Variants in MCM9 observed in about 807,000 individuals in gnomAD.
MCM9 encodes the protein DNA helicase MCM9.
Under a neutral mutation model 72.8 loss-of-function variants are expected in MCM9, and 55 were observed. The ratio of observed to expected loss-of-function variants is 0.76; its 90% CI spans 0.61 to 0.95. MCM9 has a LOEUF of 0.95. Among genes scored for constraint, MCM9 ranks in the 40% least tolerant of loss-of-function variants. MCM9 has a pLI of 0.00. For missense variants in MCM9, 1,279 were observed against 1,377.0 expected, an observed-to-expected ratio of 0.93 and a Z score of 1.13; for synonymous variants, 480 against 503.4, an observed-to-expected ratio of 0.95 and a Z score of 0.62.
At chr6:118,826,910 GA>G in intron 11 of MCM9, 46 bp from the exon 12 acceptor site, 2 of 1,445,316 alleles carry the variant, frequency 1.4e-6, no homozygotes, top group Non-Finnish European at 1.9e-6. Flanking sequence ...TTTGAGGTGA[GA>G]AATGTAATTC....
chr6:118,838,307 C>G (rs1775107927), intron 9 of MCM9, among the ~76,000 whole-genome samples: 1 of 152,026 alleles, frequency 6.6e-6, no homozygotes, highest in Non-Finnish European at 1.5e-5. Flanking sequence ...GGACTACAGG[C>G]ACCCGCCACC....
chr6:118,814,634 T>C lies in MCM9; in HGVS notation c.*190A>G. 1 of 505,300 alleles carries C rather than the reference T, an allele frequency of 2.0e-6. No individual in the cohort carries two copies. The highest frequency in any genetic ancestry group is 3.4e-6 in the Non-Finnish European group (1 of 298,502). The allele number at this position is 505,300 out of a possible 1,614,324, so 31.3% of individuals were successfully genotyped here. ...CTCAGCTGCTGGTATCACACTGACC[T>C]CAACTGATTATACAACTTTTTAAGT... On this transcript the variant is annotated 3_prime_UTR_variant, in exon 14 of 14. Coordinates refer to ENST00000619706, the MANE Select transcript of MCM9 (RefSeq NM_017696.3).
intron 8 of MCM9, among the ~76,000 whole-genome samples, chr6:118,864,743 C>T (rs1263199074): frequency 1.3e-5 from 2 of 152,138 alleles, no homozygotes; most frequent in African/African-American, 4.8e-5. Flanking sequence ...CTTAATTCAC[C>T]GGCTCTGAGA....
chr6:118,871,988 C>A (rs1264717361), intron 8 of MCM9, among the ~76,000 whole-genome samples: 12 of 151,928 alleles, frequency 7.9e-5, no homozygotes, highest in Admixed American at 7.9e-4. Flanking sequence ...GGAAATCATA[C>A]AATGTCTGTG....
intron 9 of MCM9, among the ~76,000 whole-genome samples, chr6:118,844,983 G>A (rs1454721445): frequency 1.3e-5 from 2 of 151,854 alleles, no homozygotes; most frequent in African/African-American, 4.9e-5. Flanking sequence ...TACAGGAACA[G>A]CTGCCCACAG....
intron 9 of MCM9, among the ~76,000 whole-genome samples, chr6:118,850,259 G>GA (rs1554257549): frequency 6.6e-6 from 1 of 151,458 alleles, no homozygotes; most frequent in Non-Finnish European, 1.5e-5. Context: ...TTGAATATTA[G>GA]TTTTTTGTGA....
chr6:118,841,702 T>C lies in MCM9; in HGVS notation c.1326-12452A>G, dbSNP rs2114616596. ...ATAAACGTTTACTTGCCTGTCTTGT[T>C]ACACGGTTGTGAATGTCTTGAGAAC... On this transcript the variant is annotated intron_variant, in intron 9 of 13. Transcript: ENST00000619706. Among the ~76,000 whole-genome samples the C allele has an allele frequency of 2.0e-5, 3 of 152,330 alleles. No individual in the cohort carries two copies. The Middle Eastern group carries it at 0.01, about 518-fold the overall frequency.
At chr6:118,834,683 A>G (rs1410850582) in intron 9 of MCM9, among the ~76,000 whole-genome samples, 3 of 149,946 alleles carry the variant, frequency 2.0e-5, no homozygotes, top group African/African-American at 7.3e-5. Context: ...CATATCCTTC[A>G]CCCACTTTTT....
At chr6:118,845,119 A>C (rs991531836) in intron 9 of MCM9, among the ~76,000 whole-genome samples, 3 of 151,766 alleles carry the variant, frequency 2.0e-5, no homozygotes, top group Non-Finnish European at 4.4e-5. Flanking sequence ...GGGCATTTGA[A>C]ACGGAGACAG....
At chr6:118,880,219 C>T (rs550642588) in intron 8 of MCM9, among the ~76,000 whole-genome samples, 2 of 151,416 alleles carry the variant, frequency 1.3e-5, no homozygotes, top group East Asian at 3.9e-4. Flanking sequence ...TCTGAAAACT[C>T]TCCTATGGAA....
At chr6:118,858,514 A>T (rs1056224893) in intron 8 of MCM9, among the ~76,000 whole-genome samples, 1 of 152,180 alleles carries the variant, frequency 6.6e-6, no homozygotes, top group Non-Finnish European at 1.5e-5. Context: ...CTAGCCACTG[A>T]AATAAGGCAA....
chr6:118,859,109 A>G (rs913014564), intron 8 of MCM9, among the ~76,000 whole-genome samples: 1 of 152,218 alleles, frequency 6.6e-6, no homozygotes, highest in Admixed American at 6.5e-5. Context: ...TGTCCCACAC[A>G]TAGAAGGTCA....
At chr6:118,900,681 C>A in intron 8 of MCM9, 1 of 950,724 alleles carries the variant, frequency 1.1e-6, no homozygotes, top group Non-Finnish European at 1.7e-6. Flanking sequence ...CAGTAAGTGG[C>A]TAAGTGGACA....
rs1335497343 is a variant in MCM9 at position 118,903,732 on chromosome 6, CA to C, written c.1150+7917del. Among the ~76,000 whole-genome samples, 4 of 152,230 alleles carry C rather than the reference CA, an allele frequency of 2.6e-5. No homozygotes were observed. In the East Asian group the frequency reaches 7.7e-4, roughly 29 times the overall value. ...CCAAGGGAACAGTATGTTAGAAGCA[CA>C]GGGGGTGAAGTATTTCTTTTTTAAA... On this transcript the variant is annotated intron_variant, in intron 8 of 13. Transcript: ENST00000619706.
intron 9 of MCM9, among the ~76,000 whole-genome samples, chr6:118,840,978 TC>T (rs1775325786): frequency 6.6e-6 from 1 of 152,042 alleles, no homozygotes. Context: ...TAAGCAATCC[TC>T]CCCATCCCTG....
intron 7 of MCM9, 69 bp from the exon 8 acceptor site, chr6:118,911,838 A>G: frequency 2.5e-6 from 3 of 1,183,380 alleles, no homozygotes; most frequent in Admixed American, 1.9e-5. Flanking sequence ...CCAACAAAAT[A>G]TTACATAGTG....
chr6:118,896,288 A>G (rs964594384), intron 8 of MCM9, among the ~76,000 whole-genome samples: 4 of 152,110 alleles, frequency 2.6e-5, no homozygotes, highest in African/African-American at 9.7e-5. Context: ...CCAACTGCAT[A>G]TAAAAATAGA....
At chr6:118,841,898 G>C (rs1775396202) in intron 9 of MCM9, among the ~76,000 whole-genome samples, 1 of 150,470 alleles carries the variant, frequency 6.6e-6, no homozygotes, top group South Asian at 2.1e-4. Context: ...GCAGTGGCGT[G>C]ATCCCAGCTC....
chr6:118,855,125 G>T (rs1282860585), intron 9 of MCM9, among the ~76,000 whole-genome samples: 2 of 152,122 alleles, frequency 1.3e-5, no homozygotes, highest in South Asian at 4.1e-4. Flanking sequence ...ACAGAATGCT[G>T]ATTTTGGAAC....
Sources: gnomAD v4.1 joint callset for allele counts (sites outside exome capture counted in the v4.1 genomes callset) on GRCh38, gnomAD v4.1.1 for gene constraint, MANE v1.5 for transcripts, NCBI Gene and HGNC (gene_info 2026-07-23, HGNC 2026-07-21) for gene names.